The following GPM6A variants were observed in gnomAD, a reference collection of about 807,000 sequenced individuals.
The protein encoded by GPM6A is glycoprotein M6A, also known as neuronal membrane glycoprotein M6-a.
A neutral mutation model predicts 32.1 loss-of-function variants in GPM6A; 7 were observed. The ratio of observed to expected loss-of-function variants is 0.22; its 90% CI spans 0.12 to 0.41. GPM6A has a LOEUF of 0.41. Among genes scored for constraint, GPM6A ranks in the 10% least tolerant of loss-of-function variants. The pLI, the probability that GPM6A is intolerant of heterozygous loss-of-function variation, is 1.00. For synonymous variants in GPM6A, 130 were observed against 123.4 expected, an observed-to-expected ratio of 1.05 and a Z score of -0.35; for missense variants, 235 against 347.2, an observed-to-expected ratio of 0.68 and a Z score of 2.57.
At chr4:175,712,558 C>A (rs1018017156) in intron 1 of GPM6A, among the ~76,000 whole-genome samples, 2 of 152,162 alleles carry the variant, frequency 1.3e-5, no homozygotes, top group South Asian at 2.1e-4. Context: ...AGCTTTAAGA[C>A]CTTTTTGTGT....
At chr4:175,838,112 G>GACACACAGACAC (rs1735828043) in intron 1 of GPM6A, among the ~76,000 whole-genome samples, 1 of 141,864 alleles carries the variant, frequency 7.0e-6, no homozygotes, top group African/African-American at 2.6e-5. Flanking sequence ...CACACACACA[G>GACACACAGACAC]ACACACACAC....
chr4:175,762,762 T>G (rs535131986), intron 1 of GPM6A, among the ~76,000 whole-genome samples: 56 of 152,310 alleles, frequency 3.7e-4, no homozygotes, highest in Non-Finnish European at 7.1e-4. Flanking sequence ...TGCAGATGAT[T>G]GCTTTTTCTT....
chr4:175,839,314 C>T (rs1735868954), intron 1 of GPM6A, among the ~76,000 whole-genome samples: 1 of 152,124 alleles, frequency 6.6e-6, no homozygotes, highest in Non-Finnish European at 1.5e-5. Context: ...AAGGGAAAAA[C>T]ATTTCTAACT....
intron 1 of GPM6A, among the ~76,000 whole-genome samples, chr4:175,722,646 G>A (rs1052144084): frequency 1.3e-5 from 2 of 151,972 alleles, no homozygotes; most frequent in Non-Finnish European, 2.9e-5. Context: ...CACCTCACCC[G>A]GCAGGTAACA....
intron 3 of GPM6A, among the ~76,000 whole-genome samples, chr4:175,654,913 T>A (rs1439199099): frequency 6.6e-6 from 1 of 152,114 alleles, no homozygotes; most frequent in Admixed American, 6.6e-5. Context: ...GCATCCTTTC[T>A]ATCTTATTTT....
At chr4:175,667,514 G>T (rs1337012810) in intron 3 of GPM6A, among the ~76,000 whole-genome samples, 6 of 152,028 alleles carry the variant, frequency 3.9e-5, no homozygotes. Context: ...AACAGGAAAA[G>T]AACATTTTAC....
rs184353947 is a variant in GPM6A, at chr4:175,881,144, C to T, written c.-22-68895G>A. Among the ~76,000 whole-genome samples the T allele has an allele frequency of 2.6e-5, 4 of 152,040 alleles. No homozygotes were observed. The East Asian group carries it at 7.8e-4, about 29-fold the overall frequency. On this transcript the variant is annotated intron_variant, in intron 1 of 7. Coordinates refer to the GPM6A transcript ENST00000280187. ...TCTACAAAGAACTCAAACAAATTTACAAGAAAAAAACAAACAACCCCACCA... is the reference window on the plus strand; with the variant it reads ...TCTACAAAGAACTCAAACAAATTTATAAGAAAAAAACAAACAACCCCACCA...
At chr4:176,001,484 A>G (rs1741478679) in intron 1 of GPM6A, among the ~76,000 whole-genome samples, 1 of 152,130 alleles carries the variant, frequency 6.6e-6, no homozygotes, top group African/African-American at 2.4e-5. Flanking sequence ...CTGGGTGTGA[A>G]TCGGCTATTT....
chr4:175,964,025 T>C (rs1740253795), intron 1 of GPM6A, among the ~76,000 whole-genome samples: 1 of 147,520 alleles, frequency 6.8e-6, no homozygotes, highest in Non-Finnish European at 1.5e-5. Flanking sequence ...ATTGATATGG[T>C]AAGAGAGAAG....
At chr4:175,749,165 T>C (rs1251801523) in intron 1 of GPM6A, among the ~76,000 whole-genome samples, 1 of 151,924 alleles carries the variant, frequency 6.6e-6, no homozygotes, top group Non-Finnish European at 1.5e-5. Context: ...TAAAATAATA[T>C]AGTATTAGAT....
At chr4:175,902,672 C>T (rs1738005507) in intron 1 of GPM6A, among the ~76,000 whole-genome samples, 1 of 151,974 alleles carries the variant, frequency 6.6e-6, no homozygotes, top group Non-Finnish European at 1.5e-5. Context: ...AATCAGACAC[C>T]GCCTCCTCAA....
At chr4:175,818,691 T>C (rs1463554282) in intron 1 of GPM6A, among the ~76,000 whole-genome samples, 1 of 152,256 alleles carries the variant, frequency 6.6e-6, no homozygotes, top group Non-Finnish European at 1.5e-5. Context: ...CTTATGTTTA[T>C]CTGCTTCCAC....
rs564401153 is a variant in GPM6A, at chr4:175,865,684, G to T, written c.-22-53435C>A. ...CCATTAACATTTCATATTTTGTGAT[G>T]CTATTACAATTGGTAGTTTTTGAGA... is the stretch of plus-strand genomic sequence containing the variant. On this transcript the variant is annotated intron_variant, in intron 1 of 7. Transcript: ENST00000280187. Among the ~76,000 whole-genome samples the T allele has an allele frequency of 4.6e-5, 7 of 152,032 alleles. No homozygotes were observed. In the South Asian group the frequency reaches 1.5e-3, roughly 32 times the overall value.
intron 1 of GPM6A, among the ~76,000 whole-genome samples, chr4:175,780,204 C>T (rs140466625): frequency 0.02 from 2,976 of 152,126 alleles, 41 homozygotes; most frequent in Middle Eastern, 0.031. Flanking sequence ...CCTGCCCCCA[C>T]GCCCAGCTGA....
At chr4:175,811,986 C>T (rs778287563) in intron 1 of GPM6A, 15 of 503,716 alleles carry the variant, frequency 3.0e-5, no homozygotes, top group African/African-American at 9.9e-5. Flanking sequence ...CTCTGCATTT[C>T]GGTACTTATA....
intron 1 of GPM6A, among the ~76,000 whole-genome samples, chr4:175,772,411 A>G (rs1407639072): frequency 6.6e-6 from 1 of 152,194 alleles, no homozygotes; most frequent in Non-Finnish European, 1.5e-5. Flanking sequence ...CATGCTTGCA[A>G]GAGTGTATCA....
intron 2 of GPM6A, among the ~76,000 whole-genome samples, chr4:175,676,940 T>A (rs543578030): frequency 1.2e-4 from 19 of 152,302 alleles, no homozygotes; most frequent in African/African-American, 4.6e-4. Flanking sequence ...TCCCATGATT[T>A]TTTTCCCAAT....
At chr4:175,807,400 C>A (rs1281289609) in intron 1 of GPM6A, 2 of 152,124 alleles carry the variant, frequency 1.3e-5, no homozygotes, top group Non-Finnish European at 2.9e-5. Context: ...ATGTAAGACT[C>A]CTAAAAGGAT....
intron 3 of GPM6A, among the ~76,000 whole-genome samples, chr4:175,652,927 A>G (rs1414426055): frequency 6.6e-6 from 1 of 152,150 alleles, no homozygotes; most frequent in East Asian, 1.9e-4. Context: ...TAGATTCACT[A>G]GTGCATTCTG....
Sources: gnomAD v4.1 joint callset for allele counts (sites outside exome capture counted in the v4.1 genomes callset) on GRCh38, gnomAD v4.1.1 for gene constraint, MANE v1.5 for transcripts, NCBI Gene and HGNC (gene_info 2026-07-23, HGNC 2026-07-21) for gene names.